The following ARID2 variants were observed in gnomAD, a reference collection of about 807,000 sequenced individuals.
The protein encoded by ARID2 is AT-rich interactive domain-containing protein 2.
ARID2 carries 32 observed loss-of-function variants against 184.6 expected under a neutral mutation model. The observed-to-expected ratio is 0.17, with a 90% CI of 0.13 to 0.23. The LOEUF (loss-of-function observed/expected upper bound fraction) is 0.23. Among genes scored for constraint, ARID2 ranks in the 10% least tolerant of loss-of-function variants. ARID2 has a pLI of 1.00. For synonymous variants in ARID2, 836 were observed against 772.6 expected (o/e 1.08, Z -1.36); for missense variants, 1,696 against 2,197.6 (o/e 0.77, Z 4.56).
intron 15 of ARID2, among the ~76,000 whole-genome samples, chr12:45,860,163 G>A (rs1203201589): frequency 1.3e-5 from 2 of 152,234 alleles, no homozygotes; most frequent in African/African-American, 2.4e-5. Context: ...TGAGATTATA[G>A]TGAGCTATGA....
intron 3 of ARID2, among the ~76,000 whole-genome samples, chr12:45,778,041 A>G (rs1467044401): frequency 1.3e-5 from 2 of 152,014 alleles, no homozygotes; most frequent in Non-Finnish European, 2.9e-5. Flanking sequence ...CCCTGTCTCT[A>G]CTAAAAATAC....
rs757685704 is a variant in ARID2 at position 45,852,555 on chromosome 12, A to G, written c.4432A>G (p.Ile1478Val). The G allele has an allele frequency of 6.8e-6, 11 of 1,614,070 alleles. No individual in the cohort carries two copies. Among genetic ancestry groups the G allele is most frequent in the Non-Finnish European group, 8.5e-6 (10 of 1,180,020 alleles). ...VVSPHSTTSV[I>V]QGHQIIAVPD... is the part of the protein sequence containing the mutation. ...CTCACCACATTCTACAACCTCTGTT[A>G]TACAGGGACATCAAATCATAGCAGT... Residue 1478 changes from isoleucine (I) to valine (V), a missense_variant, in exon 15 of 21, where the codon ATA becomes GTA. Physicochemically the swap from Ile to Val is conservative, Grantham distance 29 (BLOSUM62 3). Around this residue, in one of 11 missense-constraint regions of ARID2, gnomAD observed 428 missense variants for 409.1 expected, o/e 1.05. Transcript: ENST00000334344.
intron 3 of ARID2, among the ~76,000 whole-genome samples, chr12:45,773,192 A>G (rs1941910525): frequency 6.6e-6 from 1 of 152,148 alleles, no homozygotes; most frequent in South Asian, 2.1e-4. Flanking sequence ...GTTGGAAAAT[A>G]CTATGAGATT....
chr12:45,899,653 T>TTA (rs1404647118), intron 20 of ARID2, among the ~76,000 whole-genome samples: 679 of 65,456 alleles, frequency 0.01, 15 homozygotes, highest in African/African-American at 0.045. Flanking sequence ...ATATATTTGG[T>TTA]TATATATATA....
chr12:45,751,994 C>T (rs935285213), intron 3 of ARID2, among the ~76,000 whole-genome samples: 4 of 152,126 alleles, frequency 2.6e-5, no homozygotes, highest in African/African-American at 7.2e-5. Context: ...AGATATATTT[C>T]TAAAGTTTCA....
intron 3 of ARID2, among the ~76,000 whole-genome samples, chr12:45,777,828 T>C (rs1016351842): frequency 6.7e-6 from 1 of 148,164 alleles, no homozygotes; most frequent in African/African-American, 2.4e-5. Context: ...TATAAATATA[T>C]ATTTTATATT....
intron 20 of ARID2, among the ~76,000 whole-genome samples, chr12:45,897,458 A>T (rs1175305385): frequency 6.6e-6 from 1 of 152,230 alleles, no homozygotes; most frequent in Non-Finnish European, 1.5e-5. Context: ...GGCAACCCAT[A>T]GAATTAGACA....
At chr12:45,753,548 G>A (rs1160623411) in intron 3 of ARID2, among the ~76,000 whole-genome samples, 2 of 152,128 alleles carry the variant, frequency 1.3e-5, no homozygotes, top group Non-Finnish European at 2.9e-5. Context: ...ATCTATAAAT[G>A]CAAATTTTTA....
intron 3 of ARID2, among the ~76,000 whole-genome samples, chr12:45,797,754 C>T (rs532843392): frequency 2.0e-5 from 3 of 151,720 alleles, no homozygotes; most frequent in Admixed American, 6.6e-5. Context: ...AATGATTTAT[C>T]GCAGAATTAA....
intron 15 of ARID2, among the ~76,000 whole-genome samples, chr12:45,858,473 T>C (rs1289294203): frequency 6.6e-6 from 1 of 152,188 alleles, no homozygotes; most frequent in East Asian, 1.9e-4. Context: ...AATTTGCAGG[T>C]GAATGGTTTT....
chr12:45,811,859 G>A (rs1942715391), intron 4 of ARID2, among the ~76,000 whole-genome samples: 1 of 152,162 alleles, frequency 6.6e-6, no homozygotes, highest in Non-Finnish European at 1.5e-5. Flanking sequence ...GGAAGATCCT[G>A]TTAGGATTCA....
chr12:45,739,438 C>CTTTTTTTT (rs71067906), intron 3 of ARID2, among the ~76,000 whole-genome samples: 11 of 90,752 alleles, frequency 1.2e-4, no homozygotes, highest in Non-Finnish European at 1.6e-4. Context: ...TATAAAGTTA[C>CTTTTTTTT]TTTTTTTTTT....
At chr12:45,857,756 CCT>C (rs150224221) in intron 15 of ARID2, among the ~76,000 whole-genome samples, 39 of 150,380 alleles carry the variant, frequency 2.6e-4, no homozygotes, top group African/African-American at 6.3e-4. Context: ...TCTCTCTCTC[CCT>C]CTCTCTCTCT....
chr12:45,800,071 A>G (rs553773213), intron 3 of ARID2, among the ~76,000 whole-genome samples: 18 of 152,262 alleles, frequency 1.2e-4, no homozygotes, highest in African/African-American at 4.1e-4. Context: ...GGCAGTCTCG[A>G]ACTCCTGGGA....
intron 16 of ARID2, among the ~76,000 whole-genome samples, chr12:45,875,899 A>T (rs1245156312): frequency 6.6e-6 from 1 of 152,196 alleles, no homozygotes; most frequent in Non-Finnish European, 1.5e-5. Flanking sequence ...AGACCTCTAC[A>T]ACTGTCTCCA....
At chr12:45,834,372 T>C (rs1422930160) in intron 6 of ARID2, among the ~76,000 whole-genome samples, 2 of 152,202 alleles carry the variant, frequency 1.3e-5, no homozygotes, top group Non-Finnish European at 2.9e-5. Context: ...TTTTCTGTTT[T>C]TTATTTGTCA....
intron 12 of ARID2, among the ~76,000 whole-genome samples, chr12:45,847,489 G>A (rs1201091741): frequency 6.6e-6 from 1 of 151,928 alleles, no homozygotes; most frequent in Non-Finnish European, 1.5e-5. Context: ...AGTCCTATCT[G>A]CACCACTTTC....
At chr12:45,762,246 A>G (rs1314754169) in intron 3 of ARID2, among the ~76,000 whole-genome samples, 1 of 152,210 alleles carries the variant, frequency 6.6e-6, no homozygotes, top group Non-Finnish European at 1.5e-5. Flanking sequence ...CTATAATCAT[A>G]AAATGCTGGT....
intron 18 of ARID2, among the ~76,000 whole-genome samples, chr12:45,892,342 T>C (rs1458368197): frequency 6.6e-6 from 1 of 152,184 alleles, no homozygotes; most frequent in Non-Finnish European, 1.5e-5. Flanking sequence ...TTTTGTAGAC[T>C]AGTCAGTCAT....
Sources: gnomAD v4.1 joint callset for allele counts (sites outside exome capture counted in the v4.1 genomes callset) on GRCh38, gnomAD v4.1.1 for gene constraint, gnomAD v4.1.1 regional missense constraint, MANE v1.5 for transcripts, NCBI Gene and HGNC (gene_info 2026-07-23, HGNC 2026-07-21) for gene names.